Variants in KIF26B observed in about 807,000 individuals in gnomAD.
The protein encoded by KIF26B is kinesin-like protein KIF26B.
A neutral mutation model predicts 151.2 loss-of-function variants in KIF26B; 63 were observed. The ratio of observed to expected loss-of-function variants is 0.42; its 90% confidence interval spans 0.34 to 0.51. KIF26B has a LOEUF of 0.51. Among genes scored for constraint, KIF26B ranks in the 20% least tolerant of loss-of-function variants. The pLI is 0.07. For missense variants in KIF26B, 2,813 were observed against 2,913.6 expected (o/e 0.97, Z 0.79); for synonymous variants, 1,357 against 1,262.1 (o/e 1.08, Z -1.59).
At position 245,293,993 on chromosome 1, in the gene KIF26B, C is replaced by T. The variant is rs563375406; in HGVS notation, c.466-72841C>T. Among the ~76,000 whole-genome samples the T allele has an allele frequency of 4.6e-5, 7 of 152,142 alleles. No individual in the cohort carries two copies. The South Asian group carries it at 6.2e-4, about 14-fold the overall frequency. Reference sequence around the variant, plus strand: ...AAGTCTTTGAATTTGCAAGTTAAAACTCTGATTTTCCATGGGCAGAATCCG... The same window carrying T: ...AAGTCTTTGAATTTGCAAGTTAAAATTCTGATTTTCCATGGGCAGAATCCG... On this transcript the variant is annotated intron_variant, in intron 2 of 14. Coordinates refer to ENST00000407071, the MANE Select transcript of KIF26B (RefSeq NM_018012.4).
chr1:245,322,314 AC>A (rs1671903044), intron 2 of KIF26B, among the ~76,000 whole-genome samples: 1 of 152,138 alleles, frequency 6.6e-6, no homozygotes, highest in African/African-American at 2.4e-5. Context: ...GGTGCAGCAA[AC>A]CACCATGGCA....
rs777969954 is a variant in KIF26B, at chr1:245,352,243, T to C, written c.466-14591T>C. Among the ~76,000 whole-genome samples the C allele has an allele frequency of 6.6e-6, 1 of 152,208 alleles. No homozygotes were observed. Among genetic ancestry groups the C allele is most frequent in the Non-Finnish European group, 1.5e-5 (1 of 68,020 alleles). On this transcript the variant is annotated intron_variant, in intron 2 of 14. Coordinates refer to ENST00000407071, the MANE Select transcript of KIF26B (RefSeq NM_018012.4). The surrounding 1 kb of genome is among the most constrained non-coding windows in gnomAD (Gnocchi z 5.0). ...AGGTTTTTATTCTACCATTCCTACC[T>C]CCAGTTTTTTGTTTGTTTGTTTGTT...
intron 2 of KIF26B, among the ~76,000 whole-genome samples, chr1:245,300,297 G>A (rs1671406252): frequency 6.6e-6 from 1 of 152,090 alleles, no homozygotes; most frequent in Non-Finnish European, 1.5e-5. Flanking sequence ...TAGACAGCCA[G>A]GCAGTGCATG....
intron 4 of KIF26B, among the ~76,000 whole-genome samples, chr1:245,459,316 A>G (rs1391095115): frequency 6.6e-6 from 1 of 152,194 alleles, no homozygotes; most frequent in Non-Finnish European, 1.5e-5. Flanking sequence ...TGTTTCTGGT[A>G]GGTCCAGCTG....
intron 4 of KIF26B, among the ~76,000 whole-genome samples, chr1:245,441,503 G>A (rs562301831): frequency 1.8e-4 from 27 of 151,994 alleles, no homozygotes; most frequent in Non-Finnish European, 3.8e-4. Flanking sequence ...CATGGCCATC[G>A]TTGCTTCTTT....
At chr1:245,629,751 T>C (rs2103170888) in intron 9 of KIF26B, among the ~76,000 whole-genome samples, 1 of 152,294 alleles carries the variant, frequency 6.6e-6, no homozygotes, top group South Asian at 2.1e-4. Context: ...AAATGGGATC[T>C]AATTAAGTTA....
intron 4 of KIF26B, among the ~76,000 whole-genome samples, chr1:245,485,497 C>A (rs939537069): frequency 6.6e-6 from 1 of 151,460 alleles, no homozygotes; most frequent in Admixed American, 6.6e-5. Flanking sequence ...GATTCTCCTG[C>A]CCCAGCCTCC....
At chr1:245,163,773 G>A (rs1248391559) in intron 2 of KIF26B, among the ~76,000 whole-genome samples, 2 of 152,100 alleles carry the variant, frequency 1.3e-5, no homozygotes, top group Non-Finnish European at 2.9e-5. Flanking sequence ...TGTAAATGGA[G>A]TCTTCACTTT....
At chr1:245,662,581 A>ATG (rs1389920942) in intron 10 of KIF26B, among the ~76,000 whole-genome samples, 105 of 121,140 alleles carry the variant, frequency 8.7e-4, no homozygotes, top group South Asian at 2.7e-3. Context: ...CTATATATAT[A>ATG]TACACCCAAT....
chr1:245,216,957 G>C (rs1669659282), intron 2 of KIF26B, among the ~76,000 whole-genome samples: 2 of 152,218 alleles, frequency 1.3e-5, no homozygotes, highest in Admixed American at 1.3e-4. Context: ...AGGCAACACA[G>C]AGCACAGGGA....
In KIF26B at chr1:245,686,868, CCA is replaced by C. The variant is rs2044532957; in HGVS notation, c.3888_3889del (p.His1296GlnfsTer49). On this transcript the variant is annotated frameshift_variant, in exon 12 of 15. Coordinates refer to ENST00000407071, the MANE Select transcript of KIF26B (RefSeq NM_018012.4). LOFTEE classifies it high-confidence loss of function. The surrounding 1 kb of genome is among the most constrained non-coding windows in gnomAD (Gnocchi z 5.6). Reference sequence around the variant, plus strand: ...CGGGCAGTGAGGGTGAGCAGTCGTGCCACAGTTTCATAGCCCAGACGTGTTTT... The same window carrying C: ...CGGGCAGTGAGGGTGAGCAGTCGTGCCAGTTTCATAGCCCAGACGTGTTTT... ...SAGSEGEQSC[H>X]SFIAQTCFGH... The C allele has an allele frequency of 6.2e-7, 1 of 1,613,608 alleles. No individual in the cohort carries two copies.
rs538217343 is a variant in KIF26B at position 245,618,200 on chromosome 1, AG to A, written c.2098+6225del. On this transcript the variant is annotated intron_variant, in intron 9 of 14. Transcript: ENST00000407071. Reference sequence around the variant, plus strand: ...CTTTGTAATGTCTTCTTTGAATTTCAGCAGTGTGGGGGATGTTATGCTTTTG... The same window carrying A: ...CTTTGTAATGTCTTCTTTGAATTTCACAGTGTGGGGGATGTTATGCTTTTG... 8.5e-5 allele frequency among the ~76,000 whole-genome samples: 13 copies of A among 152,312 alleles called. No homozygotes were observed. In the East Asian group the frequency reaches 2.5e-3, roughly 29 times the overall value.
At chr1:245,306,571 A>G (rs1671542784) in intron 2 of KIF26B, among the ~76,000 whole-genome samples, 1 of 152,202 alleles carries the variant, frequency 6.6e-6, no homozygotes, top group South Asian at 2.1e-4. Flanking sequence ...GTGCTCTAAA[A>G]TGTATCCACT....
intron 14 of KIF26B, among the ~76,000 whole-genome samples, chr1:245,699,366 C>T (rs1376620712): frequency 6.6e-6 from 1 of 152,060 alleles, no homozygotes; most frequent in African/African-American, 2.4e-5. Flanking sequence ...ATCTCCTAGG[C>T]CACAAAATCA....
At chr1:245,607,617 A>T (rs748293108) in intron 6 of KIF26B, 34 bp from the exon 7 acceptor site, 3 of 1,571,864 alleles carry the variant, frequency 1.9e-6, no homozygotes, top group East Asian at 4.6e-5. Flanking sequence ...TGCGAGGTCC[A>T]TTCACGGCTC....
intron 3 of KIF26B, among the ~76,000 whole-genome samples, chr1:245,415,070 G>A (rs1674384422): frequency 6.6e-6 from 1 of 152,186 alleles, no homozygotes; most frequent in Non-Finnish European, 1.5e-5. Context: ...TAGCCAACCA[G>A]TCTACATAAC....
At chr1:245,556,333 TTCCTCCTTCC>T (rs1662034184) in intron 5 of KIF26B, among the ~76,000 whole-genome samples, 1 of 108,674 alleles carries the variant, frequency 9.2e-6, no homozygotes, top group Non-Finnish European at 1.9e-5. Context: ...TTCCTCCTTC[TTCCTCCTTCC>T]TCCCTCCTCC....
intron 5 of KIF26B, among the ~76,000 whole-genome samples, chr1:245,588,745 T>G (rs1288901565): frequency 6.6e-6 from 1 of 152,228 alleles, no homozygotes; most frequent in Non-Finnish European, 1.5e-5. Context: ...TGGGTCTCCT[T>G]CCTGCCCCTC....
At chr1:245,585,113 TG>T (rs921641776) in intron 5 of KIF26B, among the ~76,000 whole-genome samples, 19 of 152,214 alleles carry the variant, frequency 1.2e-4, no homozygotes, top group African/African-American at 4.6e-4. Context: ...CCCCATCAGC[TG>T]GAAACTGTTA....
Sources: allele counts gnomAD v4.1 joint callset (sites outside exome capture counted in the v4.1 genomes callset), GRCh38; gene constraint gnomAD v4.1.1; non-coding constraint Gnocchi (gnomAD v3.1); transcripts MANE v1.5; gene names NCBI Gene and HGNC (gene_info 2026-07-23, HGNC 2026-07-21).